The following UNK variants were observed in gnomAD, a reference collection of about 807,000 sequenced individuals.
The protein encoded by UNK is RING finger protein unkempt homolog.
UNK carries 32 observed loss-of-function variants against 97.6 expected under a neutral mutation model. The observed-to-expected ratio is 0.33, with a 90% CI of 0.25 to 0.44. The LOEUF is 0.44. Among genes scored for constraint, UNK ranks in the 20% least tolerant of loss-of-function variants. The probability of loss-of-function intolerance (pLI) is 1.00; values close to 1 mark genes in which losing one functional copy is unlikely to be tolerated. For missense variants in UNK, 771 were observed against 1,098.4 expected (o/e 0.70, Z 4.21); for synonymous variants, 441 against 461.2 (o/e 0.96, Z 0.56).
chr17:75,808,273 G>A (rs1011903799), intron 1 of UNK, among the ~76,000 whole-genome samples: 3 of 152,170 alleles, frequency 2.0e-5, no homozygotes, highest in Non-Finnish European at 4.4e-5. Context: ...CAGTAAAGGA[G>A]AAGAACCTTT....
chr17:75,789,078 T>G lies in UNK; in HGVS notation c.104+4094T>G, dbSNP rs184038464. 1.1e-4 allele frequency among the ~76,000 whole-genome samples: 17 copies of G among 152,340 alleles called. No homozygotes were observed. The East Asian group carries it at 3.3e-3, about 29-fold the overall frequency. ...CCTTTTCCTAAACCAAGAGGATTAT[T>G]CATAACATAGTTTAAAGGATAATTT... On this transcript the variant is annotated intron_variant, in intron 1 of 15. Transcript: ENST00000589666.
intron 1 of UNK, among the ~76,000 whole-genome samples, chr17:75,800,572 C>A (rs7210029): frequency 1 from 150,706 of 150,706 alleles, 75,353 homozygotes; most frequent in Non-Finnish European, 1. Context: ...CCCCGCCTCT[C>A]CTAAAAATAA....
Position 75,815,810 on chromosome 17 carries a change from C to T in UNK, c.961+557C>T, listed in dbSNP as rs532248962. On this transcript the variant is annotated intron_variant, in intron 7 of 15. Coordinates refer to ENST00000589666, the MANE Select transcript of UNK (RefSeq NM_001080419.3). ...CTGAGGCATGAGAATCACTTGAACC[C>T]AGGAAGCAGAGGTTGCAGTGAGCCG... 1.0e-3 allele frequency among the ~76,000 whole-genome samples: 158 copies of T among 151,362 alleles called. 1 individual carries two copies. The highest frequency in any genetic ancestry group is 1.9e-3 in the Non-Finnish European group (128 of 67,908).
At chr17:75,805,387 T>TCA (rs2061902758) in intron 1 of UNK, among the ~76,000 whole-genome samples, 1 of 134,276 alleles carries the variant, frequency 7.4e-6, no homozygotes. Flanking sequence ...AGAGTGAGAC[T>TCA]GTCTCAAAAA....
chr17:75,801,455 T>G (rs1197240629), intron 1 of UNK, among the ~76,000 whole-genome samples: 1 of 152,138 alleles, frequency 6.6e-6, no homozygotes, highest in Non-Finnish European at 1.5e-5. Flanking sequence ...GAGTCAAGAT[T>G]GCAATGAGCT....
At chr17:75,788,080 C>T (rs560355687) in intron 1 of UNK, among the ~76,000 whole-genome samples, 57 of 151,964 alleles carry the variant, frequency 3.8e-4, no homozygotes, top group South Asian at 1.7e-3. Flanking sequence ...CATGGACATA[C>T]GGAGTGGAAT....
intron 13 of UNK, 71 bp from the exon 14 acceptor site, chr17:75,822,406 C>CT (rs1270521183): frequency 6.6e-7 from 1 of 1,517,728 alleles, no homozygotes; most frequent in African/African-American, 1.4e-5. Flanking sequence ...CCTGGAACCT[C>CT]TGAGGCAGGG....
At chr17:75,806,861 A>T (rs965312813) in intron 1 of UNK, among the ~76,000 whole-genome samples, 3 of 152,244 alleles carry the variant, frequency 2.0e-5, no homozygotes, top group Non-Finnish European at 2.9e-5. Context: ...GAGAAAGGCC[A>T]GAAACAGGGA....
intron 1 of UNK, chr17:75,794,249 C>T: frequency 2.4e-6 from 2 of 841,206 alleles, no homozygotes; most frequent in African/African-American, 3.7e-5. Flanking sequence ...TAGTTATGGC[C>T]TGTCCGAAAC....
At position 75,801,122 on chromosome 17, in the gene UNK, C is replaced by T. The variant is rs192013758; in HGVS notation, c.105-8638C>T. 2.1e-4 allele frequency among the ~76,000 whole-genome samples: 32 copies of T among 152,008 alleles called. No individual in the cohort carries two copies. In the East Asian group the frequency reaches 2.9e-3, roughly 14 times the overall value. On this transcript the variant is annotated intron_variant, in intron 1 of 15. Coordinates refer to ENST00000589666, the MANE Select transcript of UNK (RefSeq NM_001080419.3). Reference sequence around the variant, plus strand: ...GTTTCACCATGTTAGCCAGGATGGTCTCGATCTCCTGACCTCATGATCCGC... The same window carrying T: ...GTTTCACCATGTTAGCCAGGATGGTTTCGATCTCCTGACCTCATGATCCGC...
At chr17:75,814,996 C>T (rs990055161) in intron 6 of UNK, among the ~76,000 whole-genome samples, 173 bp from the exon 7 acceptor site, 10 of 152,054 alleles carry the variant, frequency 6.6e-5, no homozygotes, top group African/African-American at 2.4e-4. Context: ...TGGTGGGCTG[C>T]CTCAGGAGTT....
rs1207021282 is a variant in UNK, at chr17:75,823,478, T to C, written c.2233T>C (p.Ser745Pro). 2 of 1,574,202 alleles carry C rather than the reference T, an allele frequency of 1.3e-6. No homozygotes were observed. The highest frequency in any genetic ancestry group is 2.7e-5 in the African/African-American group (2 of 73,926). ...LEALSLSTLYSLQKQLRAHLE... is the reference protein window; with the variant it reads ...LEALSLSTLYPLQKQLRAHLE... Reference sequence around the variant, plus strand: ...GGCGCTCTCACTCTCCACCCTCTACTCCCTCCAGAAACAACTGCGGGCCCA... The same window carrying C: ...GGCGCTCTCACTCTCCACCCTCTACCCCCTCCAGAAACAACTGCGGGCCCA... The change falls in exon 15 of 16, where the codon TCC (serine) becomes CCC (proline). Residue 745 changes from serine to proline, a missense_variant. Ser to Pro is a moderately conservative substitution (Grantham distance 74). This residue lies in a region of UNK where 208 missense variants were observed against 257.4 expected (regional missense o/e 0.81). Coordinates refer to ENST00000589666, the MANE Select transcript of UNK (RefSeq NM_001080419.3).
At chr17:75,807,489 C>G (rs1348408660) in intron 1 of UNK, among the ~76,000 whole-genome samples, 1 of 152,216 alleles carries the variant, frequency 6.6e-6, no homozygotes. Context: ...GAGTTTTGCT[C>G]TTATTGCCCT....
At chr17:75,802,242 CTTTTTTTTTTTTTTTTTTTTTTT>C (rs56221993) in intron 1 of UNK, among the ~76,000 whole-genome samples, 2 of 47,220 alleles carry the variant, frequency 4.2e-5, no homozygotes, top group African/African-American at 1.8e-4. Context: ...GCACAGATGT[CTTTTTTTTTTTTTTTTTTTTTTT>C]TTTTTTTTTT....
Position 75,825,184 on chromosome 17 carries a change from G to A in UNK, c.*767G>A, listed in dbSNP as rs1472849558. ...GAGTTCCAGCCCTCAGGTTCCTGAG[G>A]GTCCACCCTCAGTCCTTCCCCCCGC... is the stretch of plus-strand genomic sequence containing the variant. On this transcript the variant is annotated 3_prime_UTR_variant, in exon 16 of 16. Transcript: ENST00000589666. This position sits in a 1 kb window ranked among gnomAD's most constrained non-coding sequence, Gnocchi z 4.4. 6.6e-6 allele frequency: 1 copy of A among 152,044 alleles called. No homozygotes were observed. The highest frequency in any genetic ancestry group is 2.4e-5 in the African/African-American group (1 of 41,392). 9.4% of individuals were successfully genotyped at this position (152,044 alleles called of 1,614,324 possible).
rs532140995 is a variant in UNK, at chr17:75,825,393, G to C, written c.*976G>C. 1 of 152,652 alleles carries C rather than the reference G, an allele frequency of 6.6e-6. No individual in the cohort carries two copies. Among genetic ancestry groups the C allele is most frequent in the South Asian group, 2.1e-4 (1 of 4,834 alleles). The allele number at this position is 152,652 out of a possible 1,614,324, so 9.5% of individuals were successfully genotyped here. A position where few individuals can be genotyped will look rare whatever the true frequency, so the allele number is the denominator to read the frequency against. ...CGGACTGAGGACTGAGGACCAAGGG[G>C]GCCCAGGCCCTGCCCTCCTACCCGG... is the stretch of plus-strand genomic sequence containing the variant. On this transcript the variant is annotated 3_prime_UTR_variant, in exon 16 of 16. Transcript: ENST00000589666. This position sits in a 1 kb window ranked among gnomAD's most constrained non-coding sequence, Gnocchi z 4.4.
chr17:75,804,915 C>T (rs890585491), intron 1 of UNK, among the ~76,000 whole-genome samples: 3 of 151,632 alleles, frequency 2.0e-5, no homozygotes, highest in Admixed American at 6.6e-5. Flanking sequence ...TATTCTTGGC[C>T]GGGTGCAGTG....
chr17:75,824,229 T>C lies in UNK; in HGVS notation c.2278-33T>C. 6.4e-7 allele frequency: 1 copy of C among 1,560,164 alleles called. No homozygotes were observed. The highest frequency in any genetic ancestry group is 8.7e-7 in the Non-Finnish European group (1 of 1,149,548). On this transcript the variant is annotated intron_variant, in intron 15 of 15. Transcript: ENST00000589666. The surrounding 1 kb of genome is among the most constrained non-coding windows in gnomAD (Gnocchi z 4.9). ...CTCGCTCAACTTGGGGCCAGACCCA[T>C]GGATGGTGACCACGATGCCCCTTTC...
chr17:75,822,685 T>C lies in UNK; in HGVS notation c.2019+27T>C. 2.6e-6 allele frequency: 4 copies of C among 1,567,392 alleles called. 1 individual carries two copies. The South Asian group carries it at 4.7e-5, about 18-fold the overall frequency. On this transcript the variant is annotated intron_variant, in intron 14 of 15. Transcript: ENST00000589666. Reference sequence around the variant, plus strand: ...TACCAGGCCCCGTGCCTGCCGGCCTTCCCCAGTGCCAGGTGGCATCCAGCC... The same window carrying C: ...TACCAGGCCCCGTGCCTGCCGGCCTCCCCCAGTGCCAGGTGGCATCCAGCC...
Sources: gnomAD v4.1 joint callset for allele counts (sites outside exome capture counted in the v4.1 genomes callset) on GRCh38, gnomAD v4.1.1 for gene constraint, gnomAD v4.1.1 regional missense constraint, Gnocchi (gnomAD v3.1) non-coding constraint, MANE v1.5 for transcripts, NCBI Gene and HGNC (gene_info 2026-07-23, HGNC 2026-07-21) for gene names.